Variants in NLGN1 observed in about 807,000 individuals in gnomAD.
NLGN1 encodes the protein neuroligin 1, also known as neuroligin-1.
NLGN1 carries 12 observed loss-of-function variants against 65.5 expected under a neutral mutation model. The observed-to-expected ratio is 0.18, with a 90% CI of 0.12 to 0.30. The LOEUF is 0.30. Among genes scored for constraint, NLGN1 ranks in the 10% least tolerant of loss-of-function variants. NLGN1 has a pLI of 1.00. For missense variants in NLGN1, 750 were observed against 1,007.1 expected, an observed-to-expected ratio of 0.74 and a Z score of 3.46; for synonymous variants, 350 against 359.5, an observed-to-expected ratio of 0.97 and a Z score of 0.30.
intron 2 of NLGN1, among the ~76,000 whole-genome samples, chr3:173,525,480 G>C (rs1223109233): frequency 6.6e-6 from 1 of 151,888 alleles, no homozygotes; most frequent in African/African-American, 2.4e-5. Context: ...TATCATTTCT[G>C]ATATGTACTC....
At chr3:173,434,676 G>A (rs1717778824) in intron 1 of NLGN1, among the ~76,000 whole-genome samples, 2 of 152,116 alleles carry the variant, frequency 1.3e-5, no homozygotes, top group South Asian at 4.1e-4. Context: ...CCTTTCTGAG[G>A]TTCTTAGTAA....
At chr3:174,110,551 A>G (rs1714970930) in intron 4 of NLGN1, among the ~76,000 whole-genome samples, 1 of 151,996 alleles carries the variant, frequency 6.6e-6, no homozygotes, top group Non-Finnish European at 1.5e-5. Context: ...ATTAATGAGT[A>G]TTATTAAAAG....
At chr3:173,500,933 T>G (rs560551882) in intron 2 of NLGN1, among the ~76,000 whole-genome samples, 122 of 152,212 alleles carry the variant, frequency 8.0e-4, no homozygotes, top group Non-Finnish European at 1.4e-3. Context: ...GAACCAGGTA[T>G]TATTTACTCT....
chr3:173,437,937 T>A (rs1718437700), intron 2 of NLGN1, among the ~76,000 whole-genome samples: 2 of 152,212 alleles, frequency 1.3e-5, no homozygotes, highest in Non-Finnish European at 2.9e-5. Context: ...ACTAGCAATT[T>A]ACTGGTCTTT....
intron 4 of NLGN1, among the ~76,000 whole-genome samples, chr3:173,951,003 A>G (rs957482662): frequency 6.6e-6 from 1 of 151,850 alleles, no homozygotes; most frequent in African/African-American, 2.4e-5. Context: ...AATAGGTGGG[A>G]CTACAGGAGT....
chr3:174,169,177 T>C (rs534290622), intron 4 of NLGN1, among the ~76,000 whole-genome samples: 2 of 151,804 alleles, frequency 1.3e-5, no homozygotes, highest in South Asian at 2.1e-4. Context: ...CCGAGAGATA[T>C]TGCTGAGCAT....
chr3:173,717,943 G>A lies in NLGN1; in HGVS notation c.494-89737G>A, dbSNP rs1425269675. 3.9e-5 allele frequency among the ~76,000 whole-genome samples: 6 copies of A among 152,296 alleles called. No individual in the cohort carries two copies. The East Asian group carries it at 1.2e-3, about 29-fold the overall frequency. ...TAGTGATGTAGGTACAAGGGTAAGA[G>A]TGTTACAAATTAGAACATTTTCAAA... is the stretch of plus-strand genomic sequence containing the variant. On this transcript the variant is annotated intron_variant, in intron 3 of 6. Coordinates refer to ENST00000457714, the Ensembl canonical transcript of NLGN1.
intron 4 of NLGN1, among the ~76,000 whole-genome samples, chr3:173,875,149 A>G (rs1329426660): frequency 2.6e-5 from 4 of 152,214 alleles, no homozygotes; most frequent in African/African-American, 4.8e-5. Flanking sequence ...CATTCATGAC[A>G]TACCATGGAT....
chr3:174,146,153 C>CT lies in NLGN1; in HGVS notation c.647-129161dup, dbSNP rs1289330839. Among the ~76,000 whole-genome samples the CT allele has an allele frequency of 2.7e-5, 4 of 148,128 alleles. No individual in the cohort carries two copies. The South Asian group carries it at 8.5e-4, about 32-fold the overall frequency. On this transcript the variant is annotated intron_variant, in intron 4 of 6. Transcript: ENST00000457714. ...CCTTCCTTCCTTCCTTCCTTCCTTC[C>CT]TCTCTCCCTCCCTCCCTTCCTCTTT...
intron 4 of NLGN1, among the ~76,000 whole-genome samples, chr3:174,145,259 A>C (rs1396781863): frequency 2.0e-5 from 3 of 152,154 alleles, no homozygotes; most frequent in African/African-American, 7.2e-5. Context: ...TCACGCCTGT[A>C]ATCACAGCAC....
rs992333724 is a variant in NLGN1, at chr3:173,498,323, T to C, written c.-321+63245T>C. Reference sequence around the variant, plus strand: ...TGCGGTGTTGGGTTTTTTGTCCTTGTGATAGTTTGCTGAGAATGATGGTTT... The same window carrying C: ...TGCGGTGTTGGGTTTTTTGTCCTTGCGATAGTTTGCTGAGAATGATGGTTT... On this transcript the variant is annotated intron_variant, in intron 2 of 6. Transcript: ENST00000457714. Among the ~76,000 whole-genome samples, 29 of 151,722 alleles carry C rather than the reference T, an allele frequency of 1.9e-4. No homozygotes were observed. The East Asian group carries it at 1.9e-3, about 10-fold the overall frequency.
At chr3:174,058,657 A>G (rs1299145248) in intron 4 of NLGN1, among the ~76,000 whole-genome samples, 1 of 152,148 alleles carries the variant, frequency 6.6e-6, no homozygotes, top group Non-Finnish European at 1.5e-5. Context: ...GAAAATTAAT[A>G]AAACTATTAA....
intron 4 of NLGN1, among the ~76,000 whole-genome samples, chr3:173,947,887 T>A (rs13067869): frequency 6.6e-6 from 1 of 152,170 alleles, no homozygotes; most frequent in Non-Finnish European, 1.5e-5. Context: ...TAGAGGGACT[T>A]TATTTGATAA....
intron 4 of NLGN1, among the ~76,000 whole-genome samples, chr3:173,819,370 A>G (rs1444235875): frequency 2.6e-5 from 4 of 151,954 alleles, no homozygotes; most frequent in African/African-American, 9.7e-5. Flanking sequence ...CACATCTCTA[A>G]ACGGTTCTCA....
rs1560037189 is a variant in NLGN1 at position 173,604,790 on chromosome 3, G to A, written c.192G>A (p.Gly64=). The A allele has an allele frequency of 3.7e-6, 6 of 1,613,602 alleles. No homozygotes were observed. In the East Asian group the frequency reaches 1.1e-4, roughly 30 times the overall value. ...CTACCAACTTTGGAAAGATAAGAGG[G>A]ATTAAGAAGGAACTCAATAATGAAA... The change falls in exon 3 of 7, where the codon GGG becomes GGA. Residue 64 remains glycine (G), a synonymous_variant. Coordinates refer to ENST00000457714, the Ensembl canonical transcript of NLGN1.
intron 3 of NLGN1, among the ~76,000 whole-genome samples, chr3:173,697,418 G>GC (rs1274014885): frequency 1.3e-5 from 2 of 152,034 alleles, no homozygotes; most frequent in Non-Finnish European, 2.9e-5. Context: ...GCACATTAGT[G>GC]GCCAGTTTTA....
chr3:174,148,431 C>G (rs1723739450), intron 4 of NLGN1, among the ~76,000 whole-genome samples: 1 of 152,134 alleles, frequency 6.6e-6, no homozygotes, highest in South Asian at 2.1e-4. Context: ...ATACATTCCC[C>G]TCTGCTAATT....
chr3:173,930,439 G>T (rs766207803), intron 4 of NLGN1, among the ~76,000 whole-genome samples: 9 of 152,078 alleles, frequency 5.9e-5, no homozygotes, highest in Non-Finnish European at 1.0e-4. Context: ...GCTGTGAAGG[G>T]AAGTCTACAC....
At chr3:173,414,910 G>A (rs1410584948) in intron 1 of NLGN1, among the ~76,000 whole-genome samples, 3 of 152,150 alleles carry the variant, frequency 2.0e-5, no homozygotes, top group Admixed American at 6.5e-5. Flanking sequence ...GCCCTAAGAT[G>A]TCCACATATG....
Sources: gnomAD v4.1 joint callset for allele counts (sites outside exome capture counted in the v4.1 genomes callset) on GRCh38, gnomAD v4.1.1 for gene constraint, MANE v1.5 for transcripts, NCBI Gene and HGNC (gene_info 2026-07-23, HGNC 2026-07-21) for gene names.